The following PAK5 variants were observed in gnomAD, a reference collection of about 807,000 sequenced individuals.
PAK5 encodes p21 (RAC1) activated kinase 5, also known as serine/threonine-protein kinase PAK 5.
Under a neutral mutation model 65.9 loss-of-function variants are expected in PAK5, and 16 were observed. The observed-to-expected ratio is 0.24, with a 90% CI of 0.16 to 0.37. The LOEUF (loss-of-function observed/expected upper bound fraction) is 0.37, where lower values mean the gene tolerates loss of function less well. PAK5 is among the 10% of genes least tolerant of loss of function. The probability of loss-of-function intolerance (pLI) is 1.00; values close to 1 mark genes in which losing one functional copy is unlikely to be tolerated. For missense variants in PAK5, 785 were observed against 903.9 expected (o/e 0.87, Z 1.69); for synonymous variants, 371 against 354.9 (o/e 1.05, Z -0.51).
chr20:9,722,499 C>T (rs2048227692), intron 1 of PAK5, among the ~76,000 whole-genome samples: 2 of 152,034 alleles, frequency 1.3e-5, no homozygotes, highest in South Asian at 2.1e-4. Context: ...GTAGTCCCAG[C>T]TACTCGGGAG....
At chr20:9,690,428 A>G (rs2047777209) in intron 2 of PAK5, among the ~76,000 whole-genome samples, 2 of 152,154 alleles carry the variant, frequency 1.3e-5, no homozygotes, top group Admixed American at 1.3e-4. Flanking sequence ...ATTTGAGTGC[A>G]GGGTAGTTTA....
intron 3 of PAK5, among the ~76,000 whole-genome samples, chr20:9,635,761 G>T (rs138433419): frequency 1.4e-3 from 218 of 152,258 alleles, no homozygotes; most frequent in African/African-American, 4.9e-3. Flanking sequence ...GCAGAAGCAG[G>T]TCTAAAAGAA....
intron 3 of PAK5, among the ~76,000 whole-genome samples, chr20:9,642,913 T>C (rs1204441512): frequency 6.6e-6 from 1 of 152,202 alleles, no homozygotes; most frequent in Non-Finnish European, 1.5e-5. Flanking sequence ...TCTGTATTGA[T>C]CTTTGGGCAG....
At chr20:9,644,806 G>A (rs1234840240) in intron 2 of PAK5, among the ~76,000 whole-genome samples, 1 of 152,202 alleles carries the variant, frequency 6.6e-6, no homozygotes, top group Non-Finnish European at 1.5e-5. Context: ...GACCAGGCAA[G>A]CTCAACTGAG....
intron 3 of PAK5, among the ~76,000 whole-genome samples, chr20:9,583,421 A>C (rs1418374351): frequency 6.6e-6 from 1 of 152,224 alleles, no homozygotes; most frequent in East Asian, 1.9e-4. Context: ...TTGTCAACTC[A>C]AGTACCATGT....
At chr20:9,731,441 C>A (rs1737230959) in intron 1 of PAK5, among the ~76,000 whole-genome samples, 1 of 152,112 alleles carries the variant, frequency 6.6e-6, no homozygotes, top group Non-Finnish European at 1.5e-5. Flanking sequence ...CAGCACAAAT[C>A]AATTTGGAGT....
At chr20:9,624,702 G>A (rs1054274735) in intron 3 of PAK5, among the ~76,000 whole-genome samples, 2 of 151,880 alleles carry the variant, frequency 1.3e-5, no homozygotes, top group Admixed American at 6.6e-5. Flanking sequence ...GGTGGAGCAC[G>A]CCTCAGCTCT....
At chr20:9,618,915 GTTTTTTTTTTTTTTTTTT>G (rs150725498) in intron 3 of PAK5, among the ~76,000 whole-genome samples, 19 of 18,838 alleles carry the variant, frequency 1.0e-3, no homozygotes, top group East Asian at 2.2e-3. Context: ...TCTTTCTTTC[GTTTTTTTTTTTTTTTTTT>G]TTTTTTTTTT....
intron 3 of PAK5, among the ~76,000 whole-genome samples, chr20:9,615,941 G>A (rs931308661): frequency 6.6e-6 from 1 of 152,170 alleles, no homozygotes; most frequent in Non-Finnish European, 1.5e-5. Context: ...CCCACAGCAA[G>A]CAACCCAAGA....
At chr20:9,619,114 G>C (rs1248148987) in intron 3 of PAK5, among the ~76,000 whole-genome samples, 2 of 151,012 alleles carry the variant, frequency 1.3e-5, no homozygotes, top group Non-Finnish European at 3.0e-5. Flanking sequence ...GTAGAAACAG[G>C]GTTTCGCCTT....
At chr20:9,723,967 C>T (rs1299035164) in intron 1 of PAK5, among the ~76,000 whole-genome samples, 1 of 152,168 alleles carries the variant, frequency 6.6e-6, no homozygotes, top group Non-Finnish European at 1.5e-5. Flanking sequence ...GTTTCCTTTT[C>T]ACCCAAATAT....
chr20:9,654,083 C>G (rs1311174343), intron 2 of PAK5, among the ~76,000 whole-genome samples: 2 of 151,692 alleles, frequency 1.3e-5, no homozygotes, highest in Non-Finnish European at 2.9e-5. Flanking sequence ...AAGCGATTCT[C>G]TGGCCTCAGC....
intron 2 of PAK5, among the ~76,000 whole-genome samples, chr20:9,690,813 G>A (rs1190842698): frequency 1.4e-5 from 2 of 141,148 alleles, no homozygotes; most frequent in South Asian, 4.5e-4. Flanking sequence ...GGAGTGCAAT[G>A]GCGCAATTAG....
At chr20:9,599,139 GT>G (rs1340039469) in intron 3 of PAK5, among the ~76,000 whole-genome samples, 1 of 152,022 alleles carries the variant, frequency 6.6e-6, no homozygotes, top group East Asian at 1.9e-4. Flanking sequence ...TTTGTCCCTG[GT>G]TTATTTCACT....
intron 1 of PAK5, among the ~76,000 whole-genome samples, chr20:9,734,131 TG>T (rs1317880891): frequency 6.6e-6 from 1 of 152,314 alleles, no homozygotes; most frequent in Admixed American, 6.5e-5. Context: ...AACTCTACTG[TG>T]GGCTTGAAGT....
chr20:9,812,054 G>C (rs1330396559), intron 1 of PAK5, among the ~76,000 whole-genome samples: 1 of 152,110 alleles, frequency 6.6e-6, no homozygotes, highest in Non-Finnish European at 1.5e-5. Flanking sequence ...ACCTGTTTTA[G>C]AATCTAAGAT....
intron 2 of PAK5, among the ~76,000 whole-genome samples, chr20:9,703,929 T>A (rs2047972468): frequency 6.6e-6 from 1 of 152,146 alleles, no homozygotes; most frequent in Admixed American, 6.6e-5. Flanking sequence ...GCAAGAATTA[T>A]CTCATAAGGC....
intron 5 of PAK5, among the ~76,000 whole-genome samples, 172 bp downstream of exon 5, chr20:9,565,721 G>GTACT (rs1187446179): frequency 3.3e-5 from 5 of 152,198 alleles, no homozygotes; most frequent in African/African-American, 1.2e-4. Context: ...AGATGTAACA[G>GTACT]CCATATATGT....
intron 2 of PAK5, among the ~76,000 whole-genome samples, chr20:9,653,829 G>C (rs183821089): frequency 5.3e-5 from 8 of 152,260 alleles, no homozygotes; most frequent in Admixed American, 2.0e-4. Flanking sequence ...CCTTTCTGGA[G>C]TCTCTAGAGC....
Sources: gnomAD v4.1 joint callset for allele counts (sites outside exome capture counted in the v4.1 genomes callset) on GRCh38, gnomAD v4.1.1 for gene constraint, MANE v1.5 for transcripts, NCBI Gene and HGNC (gene_info 2026-07-23, HGNC 2026-07-21) for gene names.